TMEM132D: variants seen among roughly 807,000 people sequenced by gnomAD.
TMEM132D encodes transmembrane protein 132D.
A neutral mutation model predicts 62.3 loss-of-function variants in TMEM132D; 21 were observed. That is an observed-to-expected ratio of 0.34 (90% CI 0.24 to 0.49). The LOEUF (loss-of-function observed/expected upper bound fraction) is 0.49. TMEM132D is among the 20% of genes least tolerant of loss of function. The pLI is 0.99. For missense variants in TMEM132D, 1,346 were observed against 1,402.8 expected, an observed-to-expected ratio of 0.96 and a Z score of 0.65; for synonymous variants, 621 against 575.6, an observed-to-expected ratio of 1.08 and a Z score of -1.13.
intron 2 of TMEM132D, among the ~76,000 whole-genome samples, chr12:129,666,645 G>T (rs654293): frequency 0.76 from 115,586 of 152,040 alleles, 44,349 homozygotes; most frequent in East Asian, 0.85. Flanking sequence ...GGATAGCCAC[G>T]CCCGTAGCTA....
intron 3 of TMEM132D, among the ~76,000 whole-genome samples, chr12:129,490,001 T>C (rs559009837): frequency 1.8e-4 from 28 of 152,210 alleles, no homozygotes; most frequent in Non-Finnish European, 7.3e-5. Context: ...TAAATCTATA[T>C]GCCCCATGGA....
intron 1 of TMEM132D, among the ~76,000 whole-genome samples, chr12:129,829,299 A>G (rs2137332485): frequency 6.6e-6 from 1 of 152,230 alleles, no homozygotes; most frequent in South Asian, 2.1e-4. Flanking sequence ...GGCCACAGGG[A>G]GAGGCATCAC....
At chr12:129,133,816 G>A (rs1876453044) in intron 5 of TMEM132D, among the ~76,000 whole-genome samples, 2 of 152,190 alleles carry the variant, frequency 1.3e-5, no homozygotes, top group Non-Finnish European at 1.5e-5. Context: ...TCAGGAATGG[G>A]CAACTTAGGC....
intron 1 of TMEM132D, among the ~76,000 whole-genome samples, chr12:129,824,095 G>A (rs5012152): frequency 0.069 from 10,437 of 152,162 alleles, 516 homozygotes; most frequent in South Asian, 0.1. Context: ...GGTGTCCAAG[G>A]TCACACAGCT....
In TMEM132D at chr12:129,074,440, C is replaced by G. The variant is rs769295582; in HGVS notation, c.2735G>C (p.Gly912Ala). The G allele has an allele frequency of 6.2e-7, 1 of 1,614,110 alleles. No individual in the cohort carries two copies. Among genetic ancestry groups the G allele is most frequent in the Admixed American group, 1.7e-5 (1 of 60,024 alleles). Residue 912 changes from glycine to alanine, a missense_variant, in exon 9 of 9, where the codon GGG becomes GCG. Physicochemically the swap from Gly to Ala is moderately conservative, Grantham distance 60. Transcript: ENST00000422113. ...DGNDLMQASK[G>A]LSDLEIGMYA... ...CATCCCAATTTCTAAGTCGCTCAGC[C>G]CTTTGGATGCCTGCATAAGGTCATT...
intron 1 of TMEM132D, among the ~76,000 whole-genome samples, chr12:129,849,319 A>G (rs901323752): frequency 2.0e-5 from 3 of 152,224 alleles, no homozygotes; most frequent in East Asian, 1.9e-4. Flanking sequence ...TTTCTAAAAT[A>G]CATGCCTAAA....
intron 2 of TMEM132D, among the ~76,000 whole-genome samples, chr12:129,582,067 A>C (rs940798534): frequency 2.6e-5 from 4 of 152,158 alleles, no homozygotes; most frequent in South Asian, 2.1e-4. Flanking sequence ...TATGCCAAAG[A>C]GAGTTGAGGT....
intron 3 of TMEM132D, among the ~76,000 whole-genome samples, chr12:129,523,683 A>T (rs1330484235): frequency 6.6e-6 from 1 of 152,248 alleles, no homozygotes; most frequent in Non-Finnish European, 1.5e-5. Flanking sequence ...ATAAAAGCAA[A>T]GCAATACGAG....
intron 2 of TMEM132D, among the ~76,000 whole-genome samples, chr12:129,570,696 G>A (rs1456631986): frequency 1.3e-5 from 2 of 152,218 alleles, no homozygotes; most frequent in African/African-American, 4.8e-5. Flanking sequence ...AAATGAAGAG[G>A]TGGTTGATTC....
chr12:129,749,289 T>G (rs10744431), intron 1 of TMEM132D, among the ~76,000 whole-genome samples: 145,659 of 152,238 alleles, frequency 0.96, 69,981 homozygotes, highest in Middle Eastern at 1. Context: ...TAGAGCCTCC[T>G]CGCTGAACTA....
intron 1 of TMEM132D, among the ~76,000 whole-genome samples, chr12:129,752,537 C>A (rs1158832039): frequency 6.6e-6 from 1 of 152,194 alleles, no homozygotes; most frequent in Admixed American, 6.5e-5. Flanking sequence ...AAATTTGAAA[C>A]CTGTCTTATA....
chr12:129,578,053 C>G (rs1368489886), intron 2 of TMEM132D, among the ~76,000 whole-genome samples: 1 of 152,172 alleles, frequency 6.6e-6, no homozygotes, highest in Non-Finnish European at 1.5e-5. Flanking sequence ...CTCTCTCTCT[C>G]TCTTCTTGAG....
intron 2 of TMEM132D, among the ~76,000 whole-genome samples, chr12:129,691,233 T>C (rs1881054388): frequency 1.3e-5 from 2 of 151,290 alleles, no homozygotes; most frequent in Admixed American, 6.6e-5. Flanking sequence ...GAAAAGAAAA[T>C]CTAAAATCAA....
At chr12:129,318,380 C>G (rs1279141881) in intron 4 of TMEM132D, among the ~76,000 whole-genome samples, 1 of 152,142 alleles carries the variant, frequency 6.6e-6, no homozygotes, top group Non-Finnish European at 1.5e-5. Flanking sequence ...GATGTGGCTT[C>G]CTGTGAGCCA....
At position 129,073,011 on chromosome 12, in the gene TMEM132D, C is replaced by T. The variant is rs996645000; in HGVS notation, c.*864G>A. ...GACCCAGCAAATACTACAAACTGCC[C>T]TCTCCCTCCCCCACCCACAGGTGAC... On this transcript the variant is annotated 3_prime_UTR_variant, in exon 9 of 9. Transcript: ENST00000422113. 1.3e-5 allele frequency: 2 copies of T among 152,138 alleles called. No individual in the cohort carries two copies. Among genetic ancestry groups the T allele is most frequent in the Admixed American group, 6.5e-5 (1 of 15,276 alleles). 9.4% of individuals were successfully genotyped at this position (152,138 alleles called of 1,614,324 possible).
chr12:129,524,191 C>A (rs773897412), intron 3 of TMEM132D, among the ~76,000 whole-genome samples: 5 of 151,396 alleles, frequency 3.3e-5, no homozygotes, highest in Admixed American at 6.6e-5. Context: ...TGTAACAAAC[C>A]TGCACATTGT....
intron 5 of TMEM132D, among the ~76,000 whole-genome samples, chr12:129,202,922 G>T (rs955453948): frequency 6.6e-6 from 1 of 152,272 alleles, no homozygotes; most frequent in East Asian, 1.9e-4. Context: ...CTCAAGAAAT[G>T]TTTGCTGTCA....
chr12:129,076,240 A>G (rs1874252557), intron 8 of TMEM132D, among the ~76,000 whole-genome samples: 1 of 152,268 alleles, frequency 6.6e-6, no homozygotes. Flanking sequence ...ATTTATCCAT[A>G]GGAAGACAAT....
chr12:129,559,106 A>G (rs943151692), intron 2 of TMEM132D, among the ~76,000 whole-genome samples: 2 of 152,224 alleles, frequency 1.3e-5, no homozygotes, highest in Non-Finnish European at 2.9e-5. Flanking sequence ...AGACATCAGC[A>G]TCCCTAAATG....
Sources: allele counts gnomAD v4.1 joint callset (sites outside exome capture counted in the v4.1 genomes callset), GRCh38; gene constraint gnomAD v4.1.1; transcripts MANE v1.5; gene names NCBI Gene and HGNC (gene_info 2026-07-23, HGNC 2026-07-21).